Variants in CYP39A1 observed in about 807,000 individuals in gnomAD.
The protein encoded by CYP39A1 is cytochrome P450 family 39 subfamily A member 1, also known as 24-hydroxycholesterol 7-alpha-hydroxylase.
A neutral mutation model predicts 58.1 loss-of-function variants in CYP39A1; 49 were observed. The ratio of observed to expected loss-of-function variants is 0.84; its 90% confidence interval spans 0.67 to 1.07. The LOEUF is 1.07. Among genes scored for constraint, CYP39A1 ranks in the 50% least tolerant of loss-of-function variants. The pLI, the probability that CYP39A1 is intolerant of heterozygous loss-of-function variation, is 0.00. For synonymous variants in CYP39A1, 209 were observed against 187.6 expected, an observed-to-expected ratio of 1.11 and a Z score of -0.93; for missense variants, 531 against 539.4, an observed-to-expected ratio of 0.98 and a Z score of 0.16.
intron 10 of CYP39A1, among the ~76,000 whole-genome samples, chr6:46,573,129 C>T (rs1455788039): frequency 6.6e-6 from 1 of 151,624 alleles, no homozygotes; most frequent in African/African-American, 2.4e-5. Context: ...TTTTTAATTC[C>T]TTGTTTAGGA....
In CYP39A1 at chr6:46,637,945, G is replaced by C. The variant is rs778781185; in HGVS notation, c.522C>G (p.Leu174=). The C allele has an allele frequency of 1.9e-6, 3 of 1,612,868 alleles. No individual in the cohort carries two copies. Among genetic ancestry groups the C allele is most frequent in the East Asian group, 2.2e-5 (1 of 44,820 alleles). ...HLLYPVTVNM[L]FNKSLFSTNK... is the part of the protein sequence containing the mutation. ...TTGTGGAAAACAAACTTTTATTAAA[G>C]AGCATATTCACTGTGACTGGATAAA... The change falls in exon 4 of 12, where the codon CTC becomes CTG. Residue 174 remains leucine, a synonymous_variant. Coordinates refer to ENST00000275016, the MANE Select transcript of CYP39A1 (RefSeq NM_016593.5).
chr6:46,587,944 A>AGGAC, intron 9 of CYP39A1, 90 bp downstream of exon 9: 1 of 721,628 alleles, frequency 1.4e-6, no homozygotes, highest in Non-Finnish European at 2.2e-6. Flanking sequence ...CTGCTTAATT[A>AGGAC]TATAGTCCTA....
intron 6 of CYP39A1, among the ~76,000 whole-genome samples, chr6:46,627,422 ATTTTTT>A (rs10568938): frequency 0.084 from 10,859 of 129,752 alleles, 1,261 homozygotes; most frequent in African/African-American, 0.29. Flanking sequence ...TTATTTATTT[ATTTTTT>A]TTTTTTTTGA....
intron 10 of CYP39A1, among the ~76,000 whole-genome samples, chr6:46,568,124 T>C (rs1771394700): frequency 6.6e-6 from 1 of 152,272 alleles, no homozygotes; most frequent in African/African-American, 2.4e-5. Context: ...GGTATTTCAA[T>C]GGAGTTTTGA....
intron 1 of CYP39A1, among the ~76,000 whole-genome samples, chr6:46,648,595 C>G (rs1327796369): frequency 1.3e-5 from 2 of 151,560 alleles, no homozygotes; most frequent in Admixed American, 1.3e-4. Context: ...GTTCAGCACA[C>G]CAACATGGCA....
At chr6:46,561,479 A>G (rs1341308983) in intron 10 of CYP39A1, among the ~76,000 whole-genome samples, 4 of 152,048 alleles carry the variant, frequency 2.6e-5, no homozygotes, top group Non-Finnish European at 4.4e-5. Context: ...ATCCATTCCA[A>G]GGGACAGACT....
At chr6:46,631,576 A>C (rs1203824625) in intron 5 of CYP39A1, among the ~76,000 whole-genome samples, 1 of 152,200 alleles carries the variant, frequency 6.6e-6, no homozygotes, top group Admixed American at 6.5e-5. Context: ...CTCTGCTCTT[A>C]GCAAAATGCA....
intron 10 of CYP39A1, among the ~76,000 whole-genome samples, chr6:46,570,532 G>A (rs979061212): frequency 6.6e-5 from 10 of 152,076 alleles, no homozygotes; most frequent in South Asian, 2.1e-4. Context: ...TGTTGTGTTC[G>A]TTCATTTGTG....
intron 7 of CYP39A1, among the ~76,000 whole-genome samples, chr6:46,614,848 A>G (rs1774433373): frequency 6.6e-6 from 1 of 152,188 alleles, no homozygotes; most frequent in African/African-American, 2.4e-5. Flanking sequence ...GCTCCAAATC[A>G]GGCCACAGAA....
intron 7 of CYP39A1, among the ~76,000 whole-genome samples, chr6:46,622,858 A>G (rs1775053289): frequency 6.6e-6 from 1 of 152,168 alleles, no homozygotes; most frequent in Non-Finnish European, 1.5e-5. Flanking sequence ...ACAAATAGAG[A>G]ACACAAGAGT....
chr6:46,616,523 A>AT (rs1774619331), intron 7 of CYP39A1, among the ~76,000 whole-genome samples: 2 of 152,052 alleles, frequency 1.3e-5, no homozygotes, highest in East Asian at 3.9e-4. Flanking sequence ...ATGAGCCATC[A>AT]TGCCCACCCA....
chr6:46,587,256 T>C lies in CYP39A1; in HGVS notation c.1162-91A>G, dbSNP rs1017490086. 2.9e-5 allele frequency: 24 copies of C among 828,846 alleles called. No individual in the cohort carries two copies. In the Admixed American group the frequency reaches 5.1e-4, roughly 18 times the overall value. 51.3% of individuals were successfully genotyped at this position (828,846 alleles called of 1,614,324 possible). A position where few individuals can be genotyped will look rare whatever the true frequency, so the allele number is the denominator to read the frequency against. ...TAGGCTAAAAATGACCTTGTACAGCTAATCCTTGCATATAAAGTTGCAGGG... is the reference window on the plus strand; with the variant it reads ...TAGGCTAAAAATGACCTTGTACAGCCAATCCTTGCATATAAAGTTGCAGGG... On this transcript the variant is annotated intron_variant, in intron 9 of 11. Coordinates refer to ENST00000275016, the MANE Select transcript of CYP39A1 (RefSeq NM_016593.5).
rs563453687 is a variant in CYP39A1, at chr6:46,595,141, T to C, written c.1065+846A>G. Among the ~76,000 whole-genome samples, 5 of 152,020 alleles carry C rather than the reference T, an allele frequency of 3.3e-5. No individual in the cohort carries two copies. In the South Asian group the frequency reaches 1.0e-3, roughly 32 times the overall value. ...TCACCTTGCTCCTGTAGAATGGCTA[T>C]ATCATAAAGATGAAAGATAATTGTG... On this transcript the variant is annotated intron_variant, in intron 8 of 11. Coordinates refer to ENST00000275016, the MANE Select transcript of CYP39A1 (RefSeq NM_016593.5).
At chr6:46,611,689 A>G (rs1774219458) in intron 7 of CYP39A1, among the ~76,000 whole-genome samples, 1 of 152,196 alleles carries the variant, frequency 6.6e-6, no homozygotes, top group South Asian at 2.1e-4. Context: ...TTTTTCAAGG[A>G]ATAAAGGATA....
At chr6:46,574,622 T>G (rs757560847) in intron 10 of CYP39A1, among the ~76,000 whole-genome samples, 10 of 152,236 alleles carry the variant, frequency 6.6e-5, no homozygotes, top group Middle Eastern at 3.4e-3. Context: ...TAAGATGAGA[T>G]GAGAAAGTCC....
chr6:46,572,436 A>C (rs1771640452), intron 10 of CYP39A1, among the ~76,000 whole-genome samples: 1 of 152,060 alleles, frequency 6.6e-6, no homozygotes, highest in African/African-American at 2.4e-5. Context: ...GCTTTGCCAG[A>C]TATATCATTG....
intron 7 of CYP39A1, among the ~76,000 whole-genome samples, chr6:46,608,746 C>A (rs548608816): frequency 6.6e-6 from 1 of 152,144 alleles, no homozygotes; most frequent in East Asian, 2.0e-4. Flanking sequence ...TCCCGAGTAG[C>A]TGGGACTACA....
At chr6:46,629,924 C>A (rs1473382902) in intron 6 of CYP39A1, among the ~76,000 whole-genome samples, 1 of 151,518 alleles carries the variant, frequency 6.6e-6, no homozygotes, top group Non-Finnish European at 1.5e-5. Context: ...TAATGCAAGA[C>A]AGATTTTAAA....
chr6:46,572,451 T>A (rs915056099), intron 10 of CYP39A1, among the ~76,000 whole-genome samples: 1 of 152,196 alleles, frequency 6.6e-6, no homozygotes, highest in Non-Finnish European at 1.5e-5. Flanking sequence ...TCATTGGTTT[T>A]CAGAATGTTT....
Sources: allele counts gnomAD v4.1 joint callset (sites outside exome capture counted in the v4.1 genomes callset), GRCh38; gene constraint gnomAD v4.1.1; transcripts MANE v1.5; gene names NCBI Gene and HGNC (gene_info 2026-07-23, HGNC 2026-07-21).